The following SIAE variants were observed in gnomAD, a reference collection of about 807,000 sequenced individuals.
The protein encoded by SIAE is sialate O-acetylesterase.
A neutral mutation model predicts 52.6 loss-of-function variants in SIAE; 39 were observed. That is an observed-to-expected ratio of 0.74 (90% CI 0.57 to 0.97). The LOEUF (loss-of-function observed/expected upper bound fraction) is 0.97. SIAE is among the 50% of genes least tolerant of loss of function. The pLI is 0.00. For synonymous variants in SIAE, 233 were observed against 241.4 expected (o/e 0.97, Z 0.32); for missense variants, 592 against 662.1 (o/e 0.89, Z 1.16).
In SIAE at chr11:124,636,214, A is replaced by C. The variant is rs1267902750; in HGVS notation, c.*737T>G. ...AGGGCAGTCACTTAGCACCTTCCAAAGTGCCTGCACATGTTTCTTATTTCA... is the reference window on the plus strand; with the variant it reads ...AGGGCAGTCACTTAGCACCTTCCAACGTGCCTGCACATGTTTCTTATTTCA... On this transcript the variant is annotated 3_prime_UTR_variant, in exon 10 of 10. Coordinates refer to ENST00000263593, the MANE Select transcript of SIAE (RefSeq NM_170601.5). The C allele has an allele frequency of 6.6e-6, 1 of 152,586 alleles. No individual in the cohort carries two copies. The highest frequency in any genetic ancestry group is 2.4e-5 in the African/African-American group (1 of 41,424). 9.5% of individuals were successfully genotyped at this position (152,586 alleles called of 1,614,324 possible).
At chr11:124,646,083 C>A (rs1245252360) in intron 7 of SIAE, among the ~76,000 whole-genome samples, 2 of 152,106 alleles carry the variant, frequency 1.3e-5, no homozygotes, top group Non-Finnish European at 2.9e-5. Flanking sequence ...TGTTTGATTT[C>A]TTATGTTCTA....
Position 124,636,827 on chromosome 11 carries a change from T to C in SIAE, c.*124A>G. ...AATATAGAAACAGCCATGTGCTAGC[T>C]GAAAGCCATTCAATGAGGCTTTCTA... On this transcript the variant is annotated 3_prime_UTR_variant, in exon 10 of 10. Coordinates refer to ENST00000263593, the MANE Select transcript of SIAE (RefSeq NM_170601.5). 7.4e-7 allele frequency: 1 copy of C among 1,360,340 alleles called. No homozygotes were observed. The allele number at this position is 1,360,340 out of a possible 1,614,324, so 84.3% of individuals were successfully genotyped here. A position where few individuals can be genotyped will look rare whatever the true frequency, so the allele number is the denominator to read the frequency against.
intron 2 of SIAE, among the ~76,000 whole-genome samples, chr11:124,666,590 A>G (rs1292141439): frequency 6.6e-6 from 1 of 152,250 alleles, no homozygotes; most frequent in African/African-American, 2.4e-5. Context: ...CTGTGAAATT[A>G]TCATCAGTAT....
At chr11:124,654,615 C>A in intron 4 of SIAE, 40 bp downstream of exon 4, 1 of 1,613,864 alleles carries the variant, frequency 6.2e-7, no homozygotes, top group Non-Finnish European at 8.5e-7. Context: ...AGGGCGCTAA[C>A]CCATTATATA....
Position 124,660,737 on chromosome 11 carries a change from G to A in SIAE, c.296C>T (p.Ala99Val). The A allele has an allele frequency of 6.2e-7, 1 of 1,614,160 alleles. No individual in the cohort carries two copies. Among genetic ancestry groups the A allele is most frequent in the Non-Finnish European group, 8.5e-7 (1 of 1,180,030 alleles). ...GTTTATTTTCTCCAAAGTCTGTTGT[G>A]CCATCACTTCGAAAGGTCCTCCAGG... ...MKPGGPFEVM[A>V]QQTLEKINFT... Residue 99 changes from alanine (A) to valine (V), a missense_variant, in exon 3 of 10, where the codon GCA becomes GTA. By Grantham distance (64) the Ala-to-Val change is moderately conservative. Coordinates refer to ENST00000263593, the MANE Select transcript of SIAE (RefSeq NM_170601.5).
chr11:124,654,506 C>A lies in SIAE; in HGVS notation c.544+149G>T, dbSNP rs527888699. ...CTTGGGAAGAAACCTGAAATAGTCACCATCAGGAAGGATGAAGAGTCAATA... is the reference window on the plus strand; with the variant it reads ...CTTGGGAAGAAACCTGAAATAGTCAACATCAGGAAGGATGAAGAGTCAATA... On this transcript the variant is annotated intron_variant, in intron 4 of 9. Transcript: ENST00000263593. 2.5e-6 allele frequency: 4 copies of A among 1,572,436 alleles called. No individual in the cohort carries two copies. The South Asian group carries it at 3.5e-5, about 14-fold the overall frequency.
intron 6 of SIAE, 21 bp from the exon 7 acceptor site, chr11:124,647,519 A>G: frequency 6.2e-7 from 1 of 1,613,902 alleles, no homozygotes; most frequent in Non-Finnish European, 8.5e-7. Flanking sequence ...TCCAAATTGT[A>G]AAGGGAGTTT....
At chr11:124,650,848 A>G (rs997068055) in intron 4 of SIAE, among the ~76,000 whole-genome samples, 3 of 152,240 alleles carry the variant, frequency 2.0e-5, no homozygotes, top group African/African-American at 7.2e-5. Flanking sequence ...ACATGGACAG[A>G]TAAGTGATGG....
At chr11:124,673,519 C>T (rs1943405253) in intron 1 of SIAE, 123 bp downstream of exon 1, 3 of 1,192,526 alleles carry the variant, frequency 2.5e-6, no homozygotes, top group Non-Finnish European at 3.6e-6. Flanking sequence ...GAGCCCCTAG[C>T]CTAGCTAGGT....
At chr11:124,665,267 G>A (rs1230200792) in intron 2 of SIAE, among the ~76,000 whole-genome samples, 1 of 152,164 alleles carries the variant, frequency 6.6e-6, no homozygotes, top group Non-Finnish European at 1.5e-5. Flanking sequence ...GAAAAGATGG[G>A]ATTTTGCAGT....
At chr11:124,656,228 G>A (rs1462249427) in intron 3 of SIAE, among the ~76,000 whole-genome samples, 3 of 152,026 alleles carry the variant, frequency 2.0e-5, no homozygotes, top group South Asian at 2.1e-4. Context: ...TTTTTTCAAT[G>A]TGTATTATTT....
At chr11:124,674,033 G>A, upstream of SIAE, 1 of 332,070 alleles carries the variant, frequency 3.0e-6, no homozygotes, top group South Asian at 4.0e-5. Flanking sequence ...CAGCATCCCA[G>A]ACACAGCCTC....
chr11:124,638,599 G>T lies in SIAE; in HGVS notation c.1263C>A (p.Leu421=). 6.2e-7 allele frequency: 1 copy of T among 1,614,144 alleles called. No individual in the cohort carries two copies. The highest frequency in any genetic ancestry group is 1.1e-5 in the South Asian group (1 of 91,076). The change falls in exon 9 of 10, where the codon CTC becomes CTA. Residue 421 remains leucine, a synonymous_variant. Coordinates refer to ENST00000263593, the MANE Select transcript of SIAE (RefSeq NM_170601.5). ...KIELLAHKGL[L]NLTYYQQIQV... ...GGATTTGCTGGTAATATGTGAGATT[G>T]AGCAGCCCCTTGTGAGCCAAGAGTT...
chr11:124,646,956 T>A (rs1327422637), intron 7 of SIAE, among the ~76,000 whole-genome samples: 1 of 152,234 alleles, frequency 6.6e-6, no homozygotes, highest in East Asian at 1.9e-4. Flanking sequence ...TTATCTCTAA[T>A]TGAAATATTA....
In SIAE at chr11:124,650,890, C is replaced by T. The variant is rs575623224; in HGVS notation, c.545-1094G>A. 7.2e-5 allele frequency among the ~76,000 whole-genome samples: 11 copies of T among 152,250 alleles called. 1 individual carries two copies. The highest frequency in any genetic ancestry group is 2.6e-4 in the African/African-American group (11 of 41,552). On this transcript the variant is annotated intron_variant, in intron 4 of 9. Transcript: ENST00000263593. ...CGGCCCAAAGGGAAAGCCACAGAAG[C>T]CAAAACTAGTGTTTAAATTCTCAGC... is the stretch of plus-strand genomic sequence containing the variant.
At chr11:124,676,006 A>G (rs1203381113), upstream of SIAE, 1 of 152,302 alleles carries the variant, frequency 6.6e-6, no homozygotes, top group Non-Finnish European at 1.5e-5. Flanking sequence ...GCTAAATTCC[A>G]TCCTGCACAG....
At position 124,641,073 on chromosome 11, in the gene SIAE, G is replaced by A. The variant is rs976955190; in HGVS notation, c.967-1206C>T. On this transcript the variant is annotated intron_variant, in intron 7 of 9. Transcript: ENST00000263593. Reference sequence around the variant, plus strand: ...ACACAGCAGTAGCTAACTGGTACAAGTACTTTACAGCTTTGTTGAGGAGGA... The same window carrying A: ...ACACAGCAGTAGCTAACTGGTACAAATACTTTACAGCTTTGTTGAGGAGGA... Among the ~76,000 whole-genome samples, 9 of 152,280 alleles carry A rather than the reference G, an allele frequency of 5.9e-5. No individual in the cohort carries two copies. In the East Asian group the frequency reaches 1.3e-3, roughly 23 times the overall value.
Position 124,647,390 on chromosome 11 carries a change from C to A in SIAE, c.941G>T (p.Arg314Leu). 1 of 1,614,170 alleles carries A rather than the reference C, an allele frequency of 6.2e-7. No individual in the cohort carries two copies. The highest frequency in any genetic ancestry group is 8.5e-7 in the Non-Finnish European group (1 of 1,180,024). Residue 314 changes from arginine to leucine, a missense_variant, in exon 7 of 10, where the codon CGT becomes CTT. Coordinates refer to ENST00000263593, the MANE Select transcript of SIAE (RefSeq NM_170601.5). ...CTGGACAAGTCCAAATGGGAAGAAACGCTCCGTCTGCCCCTGGGAACCACG... is the reference window on the plus strand; with the variant it reads ...CTGGACAAGTCCAAATGGGAAGAAAAGCTCCGTCTGCCCCTGGGAACCACG... Reference protein sequence around the residue: ...FHRGSQGQTERFFPFGLVQLS... With the variant: ...FHRGSQGQTELFFPFGLVQLS...
chr11:124,651,856 G>A (rs902855714), intron 4 of SIAE, among the ~76,000 whole-genome samples: 3 of 152,228 alleles, frequency 2.0e-5, no homozygotes, highest in Admixed American at 6.5e-5. Context: ...ACATGATGGA[G>A]AGTCAGTGTT....
Sources: gnomAD v4.1 joint callset for allele counts (sites outside exome capture counted in the v4.1 genomes callset) on GRCh38, gnomAD v4.1.1 for gene constraint, MANE v1.5 for transcripts, NCBI Gene and HGNC (gene_info 2026-07-23, HGNC 2026-07-21) for gene names.